Variants in PRICKLE2 observed in about 807,000 individuals in gnomAD.
The protein encoded by PRICKLE2 is prickle planar cell polarity protein 2, also known as prickle-like protein 2.
PRICKLE2 carries 21 observed loss-of-function variants against 81.4 expected under a neutral mutation model. The ratio of observed to expected loss-of-function variants is 0.26; its 90% confidence interval spans 0.18 to 0.37. The LOEUF is 0.37. PRICKLE2 is among the 10% of genes least tolerant of loss of function. The pLI, the probability that PRICKLE2 is intolerant of heterozygous loss-of-function variation, is 1.00. For missense variants in PRICKLE2, 940 were observed against 1,109.0 expected, an observed-to-expected ratio of 0.85 and a Z score of 2.16; for synonymous variants, 456 against 421.5, an observed-to-expected ratio of 1.08 and a Z score of -1.00.
At chr3:64,249,860 GT>G (rs544695289) in intron 2 of PRICKLE2, among the ~76,000 whole-genome samples, 1 of 152,178 alleles carries the variant, frequency 6.6e-6, no homozygotes, top group African/African-American at 2.4e-5. Context: ...CACACAATAT[GT>G]TTTTTACTAG....
chr3:64,224,394 G>A (rs1176159139), intron 1 of PRICKLE2, among the ~76,000 whole-genome samples: 8 of 152,270 alleles, frequency 5.3e-5, no homozygotes, highest in African/African-American at 1.4e-4. Context: ...GTTCAGCCAG[G>A]CTATGCAGTC....
chr3:64,175,535 T>C lies in PRICKLE2; in HGVS notation c.145-12406A>G, dbSNP rs527974097. ...GATCAAGGGTCCCGAAATTTTCTTC[T>C]TGAATTTCTTCATATGAAACTGAAT... On this transcript the variant is annotated intron_variant, in intron 2 of 7. Transcript: ENST00000638394. Among the ~76,000 whole-genome samples, 25 of 152,360 alleles carry C rather than the reference T, an allele frequency of 1.6e-4. 1 individual carries two copies. In the South Asian group the frequency reaches 5.0e-3, roughly 30 times the overall value.
chr3:64,128,830 A>G (rs921148232), intron 7 of PRICKLE2, among the ~76,000 whole-genome samples: 1 of 151,956 alleles, frequency 6.6e-6, no homozygotes, highest in African/African-American at 2.4e-5. Flanking sequence ...TTCACAGTAC[A>G]TATCCCCTCC....
intron 2 of PRICKLE2, among the ~76,000 whole-genome samples, chr3:64,234,708 C>T (rs927845374): frequency 6.6e-5 from 10 of 152,048 alleles, no homozygotes; most frequent in Non-Finnish European, 1.0e-4. Flanking sequence ...ACTTCAGTTC[C>T]GCTTTTTAAG....
chr3:64,233,248 C>T (rs534765516), intron 2 of PRICKLE2, among the ~76,000 whole-genome samples: 113 of 147,814 alleles, frequency 7.6e-4, no homozygotes, highest in African/African-American at 2.5e-3. Context: ...CAACTCTTGC[C>T]TCCTACCTGG....
At chr3:64,102,139 G>A (rs1158016140) in intron 7 of PRICKLE2, 2 of 152,214 alleles carry the variant, frequency 1.3e-5, no homozygotes, top group Non-Finnish European at 2.9e-5. Context: ...ACAAGACTGA[G>A]AGAATGTTCT....
chr3:64,214,049 C>T (rs1396401084), intron 1 of PRICKLE2, among the ~76,000 whole-genome samples: 3 of 152,138 alleles, frequency 2.0e-5, no homozygotes, highest in East Asian at 1.9e-4. Context: ...TATATTAGGC[C>T]GCCTTTCATC....
At chr3:64,162,623 G>A (rs1231329154) in intron 3 of PRICKLE2, among the ~76,000 whole-genome samples, 1 of 152,176 alleles carries the variant, frequency 6.6e-6, no homozygotes, top group African/African-American at 2.4e-5. Flanking sequence ...GAAAATTCAG[G>A]AGAGTCACAA....
Position 64,147,734 on chromosome 3 carries a change from T to C in PRICKLE2, c.788-32A>G. On this transcript the variant is annotated intron_variant, in intron 6 of 7. Transcript: ENST00000638394. The surrounding 1 kb of genome is among the most constrained non-coding windows in gnomAD (Gnocchi z 5.0). ...AAATGAGAGACATTGGAGAGGCTGA[T>C]GAGCTGCTCAGAGCTCTGCACTGGG... 1 of 1,612,700 alleles carries C rather than the reference T, an allele frequency of 6.2e-7. No homozygotes were observed. Among genetic ancestry groups the C allele is most frequent in the Non-Finnish European group, 8.5e-7 (1 of 1,179,638 alleles).
intron 2 of PRICKLE2, among the ~76,000 whole-genome samples, chr3:64,177,125 C>CATTT (rs2078038523): frequency 1.4e-5 from 1 of 70,838 alleles, no homozygotes; most frequent in Non-Finnish European, 2.3e-5. Flanking sequence ...CCATTTTAAC[C>CATTT]TTTTTTTTTT....
rs773985269 is a variant in PRICKLE2 at position 64,099,608 on chromosome 3, C to A, written c.1978G>T (p.Val660Leu). ...AGSKLPGQEG[V>L]RIQPMSERTR... ...CGTTCACTCATGGGCTGGATCCTCA[C>A]GCCCTCCTGCCCTGGCAGCTTGCTG... The change falls in exon 8 of 8, where the codon GTG becomes TTG. Residue 660 changes from valine to leucine, a missense_variant. By Grantham distance (32) the Val-to-Leu change is conservative. Around this residue, in one of 2 missense-constraint regions of PRICKLE2, gnomAD observed 670 missense variants for 717.2 expected, o/e 0.93. Transcript: ENST00000638394. This position sits in a 1 kb window ranked among gnomAD's most constrained non-coding sequence, Gnocchi z 4.3. 1.9e-6 allele frequency: 3 copies of A among 1,613,798 alleles called. No homozygotes were observed. Among genetic ancestry groups the A allele is most frequent in the Admixed American group, 1.7e-5 (1 of 60,016 alleles).
chr3:64,183,048 A>C (rs140983944), intron 2 of PRICKLE2, among the ~76,000 whole-genome samples: 299 of 152,342 alleles, frequency 2.0e-3, no homozygotes, highest in African/African-American at 6.6e-3. Flanking sequence ...ATAGGAATGC[A>C]ATATCTATCA....
At chr3:64,211,091 T>G (rs1209558630) in intron 1 of PRICKLE2, among the ~76,000 whole-genome samples, 2 of 152,192 alleles carry the variant, frequency 1.3e-5, no homozygotes, top group Non-Finnish European at 2.9e-5. Flanking sequence ...GTAGGGGTAC[T>G]TATCAACCAA....
intron 7 of PRICKLE2, among the ~76,000 whole-genome samples, chr3:64,135,804 T>G (rs958406630): frequency 2.6e-5 from 4 of 152,076 alleles, no homozygotes; most frequent in African/African-American, 9.7e-5. Context: ...AGAGTGAAAC[T>G]TATTGGTGGA....
intron 4 of PRICKLE2, among the ~76,000 whole-genome samples, chr3:64,158,447 A>G (rs1462675975): frequency 6.6e-6 from 1 of 152,224 alleles, no homozygotes; most frequent in Non-Finnish European, 1.5e-5. Context: ...CCCTCACATG[A>G]GTCATCATTC....
intron 2 of PRICKLE2, among the ~76,000 whole-genome samples, chr3:64,184,482 A>AT (rs917324278): frequency 2.6e-5 from 4 of 151,810 alleles, no homozygotes; most frequent in African/African-American, 7.3e-5. Context: ...TTTTAATTTT[A>AT]TTTTTTTTAA....
chr3:64,166,912 T>G (rs961600219), intron 2 of PRICKLE2, among the ~76,000 whole-genome samples: 3 of 152,138 alleles, frequency 2.0e-5, no homozygotes, highest in Admixed American at 2.0e-4. Flanking sequence ...TGCTGGACTT[T>G]CCAAATTTTT....
intron 7 of PRICKLE2, among the ~76,000 whole-genome samples, chr3:64,136,641 AG>A (rs1358839431): frequency 1.3e-5 from 2 of 151,904 alleles, no homozygotes; most frequent in African/African-American, 4.8e-5. Flanking sequence ...TAGGCAGAGG[AG>A]GGGAGGTTAA....
At chr3:64,121,988 T>C (rs2077035893) in intron 7 of PRICKLE2, among the ~76,000 whole-genome samples, 1 of 152,208 alleles carries the variant, frequency 6.6e-6, no homozygotes, top group African/African-American at 2.4e-5. Context: ...GTGATTTTGA[T>C]TCCAGATACC....
Sources: gnomAD v4.1 joint callset for allele counts (sites outside exome capture counted in the v4.1 genomes callset) on GRCh38, gnomAD v4.1.1 for gene constraint, gnomAD v4.1.1 regional missense constraint, Gnocchi (gnomAD v3.1) non-coding constraint, MANE v1.5 for transcripts, NCBI Gene and HGNC (gene_info 2026-07-23, HGNC 2026-07-21) for gene names.